Variants in HECTD4 observed in about 807,000 individuals in gnomAD.
HECTD4 encodes HECT domain E3 ubiquitin protein ligase 4.
A neutral mutation model predicts 471.5 loss-of-function variants in HECTD4; 114 were observed. The observed-to-expected ratio is 0.24, with a 90% CI of 0.21 to 0.28. The LOEUF (loss-of-function observed/expected upper bound fraction) is 0.28, where lower values mean the gene tolerates loss of function less well. Among genes scored for constraint, HECTD4 ranks in the 10% least tolerant of loss-of-function variants. HECTD4 has a pLI of 1.00. For missense variants in HECTD4, 3,866 were observed against 5,651.5 expected, an observed-to-expected ratio of 0.68 and a Z score of 10.13; for synonymous variants, 2,012 against 2,256.0, an observed-to-expected ratio of 0.89 and a Z score of 3.07.
chr12:112,341,253 C>G (rs1456207176), intron 1 of HECTD4, among the ~76,000 whole-genome samples: 1 of 152,160 alleles, frequency 6.6e-6, no homozygotes, highest in African/African-American at 2.4e-5. Flanking sequence ...GACAAACAAG[C>G]TACAGAAGGA....
rs114947184 is a variant in HECTD4, at chr12:112,163,437, G to C, written c.12897+105C>G. The C allele has an allele frequency of 1.6e-3, 1,795 of 1,107,226 alleles. 30 individuals carry two copies. The African/African-American group carries it at 0.026, about 16-fold the overall frequency. The allele number at this position is 1,107,226 out of a possible 1,614,324, so 68.6% of individuals were successfully genotyped here. A position where few individuals can be genotyped will look rare whatever the true frequency, so the allele number is the denominator to read the frequency against. ...GATACAGGTCTGTGGCAAGGACAGA[G>C]CTGAGACAGGCCACTGCCGATGCCT... On this transcript the variant is annotated intron_variant, in intron 74 of 75. Transcript: ENST00000682272. This position sits in a 1 kb window ranked among gnomAD's most constrained non-coding sequence, Gnocchi z 8.2.
chr12:112,304,581 C>G (rs2035235998), intron 7 of HECTD4, among the ~76,000 whole-genome samples: 1 of 151,986 alleles, frequency 6.6e-6, no homozygotes, highest in Non-Finnish European at 1.5e-5. Context: ...CCATCTCAGC[C>G]TTCCAAGCAC....
At chr12:112,323,044 A>G in intron 1 of HECTD4, 2 of 212,282 alleles carry the variant, frequency 9.4e-6, no homozygotes, top group South Asian at 8.0e-5. Flanking sequence ...AAAAGATGCA[A>G]GGAACTTGCC....
chr12:112,244,672 A>G (rs2033719277), intron 29 of HECTD4, among the ~76,000 whole-genome samples: 1 of 152,194 alleles, frequency 6.6e-6, no homozygotes, highest in Admixed American at 6.5e-5. Context: ...CACCTGGCCC[A>G]AATTTCTTAA....
At chr12:112,199,909 C>T (rs948524086) in intron 55 of HECTD4, among the ~76,000 whole-genome samples, 5 of 152,218 alleles carry the variant, frequency 3.3e-5, no homozygotes, top group East Asian at 1.9e-4. Context: ...TTAGCTATCA[C>T]GATTTCTTGT....
At chr12:112,272,106 T>C (rs920643774) in intron 11 of HECTD4, among the ~76,000 whole-genome samples, 28 of 152,184 alleles carry the variant, frequency 1.8e-4, no homozygotes, top group African/African-American at 6.5e-4. Flanking sequence ...TGGGGTGCAA[T>C]GGCATGATCT....
intron 1 of HECTD4, among the ~76,000 whole-genome samples, chr12:112,347,364 C>G (rs1348113386): frequency 1.3e-5 from 2 of 152,012 alleles, no homozygotes; most frequent in Non-Finnish European, 1.5e-5. Flanking sequence ...CAAAAATTAG[C>G]CGGGTGTGAT....
chr12:112,192,126 C>T (rs577397169), intron 59 of HECTD4, among the ~76,000 whole-genome samples: 3 of 152,278 alleles, frequency 2.0e-5, no homozygotes, highest in East Asian at 3.9e-4. Flanking sequence ...TGAGAGCAAT[C>T]GAGCTTCCAG....
At chr12:112,265,103 C>T (rs2034237874) in intron 16 of HECTD4, 72 bp downstream of exon 16, 1 of 1,378,664 alleles carries the variant, frequency 7.3e-7, no homozygotes, top group Non-Finnish European at 1.0e-6. Context: ...ATACACACAC[C>T]TGTCAATATA....
At chr12:112,232,945 TA>T in intron 38 of HECTD4, 58 bp downstream of exon 38, 1 of 1,405,154 alleles carries the variant, frequency 7.1e-7, no homozygotes, top group South Asian at 1.2e-5. Flanking sequence ...TCTGAAAATC[TA>T]AAGCATGACA....
At chr12:112,216,712 CT>C (rs768053022) in intron 47 of HECTD4, 60 bp downstream of exon 47, 69 of 1,577,056 alleles carry the variant, frequency 4.4e-5, no homozygotes, top group Non-Finnish European at 5.5e-5. Context: ...TCCTGAACAC[CT>C]ATACACACCT....
chr12:112,344,192 A>T (rs369210897), intron 1 of HECTD4, among the ~76,000 whole-genome samples: 18 of 152,380 alleles, frequency 1.2e-4, no homozygotes, highest in African/African-American at 4.3e-4. Flanking sequence ...CCACTCATTT[A>T]AAACTGTAAG....
intron 7 of HECTD4, among the ~76,000 whole-genome samples, chr12:112,290,863 CAA>C (rs1333873159): frequency 8.5e-6 from 1 of 117,146 alleles, no homozygotes; most frequent in Non-Finnish European, 1.7e-5. Context: ...AAAAACAAAA[CAA>C]AAAAAAAAAA....
At chr12:112,306,541 A>G (rs2035274348) in intron 6 of HECTD4, among the ~76,000 whole-genome samples, 1 of 152,250 alleles carries the variant, frequency 6.6e-6, no homozygotes, top group African/African-American at 2.4e-5. Context: ...TGTTATGCAT[A>G]TGTGTTGTAT....
chr12:112,266,643 A>G (rs183057151), intron 14 of HECTD4, among the ~76,000 whole-genome samples: 229 of 152,238 alleles, frequency 1.5e-3, no homozygotes, highest in Non-Finnish European at 2.5e-3. Flanking sequence ...CACCATGCCC[A>G]GCTAATTGTT....
rs1056974926 is a variant in HECTD4, at chr12:112,269,736, A to T, written c.2289T>A (p.Pro763=). 4.3e-6 allele frequency: 7 copies of T among 1,613,882 alleles called. No homozygotes were observed. The highest frequency in any genetic ancestry group is 5.9e-6 in the Non-Finnish European group (7 of 1,179,880). The change falls in exon 13 of 76, where the codon CCT becomes CCA. Residue 763 remains proline, a synonymous_variant. Coordinates refer to ENST00000682272, the MANE Select transcript of HECTD4 (RefSeq NM_001388303.1). ...LLMAPKDQIC[P]EIQKEVCLAI... is the part of the protein sequence containing the mutation. ...CAAGGCAGACTTCCTTCTGAATTTC[A>T]GGGCAAATTTGATCTTTTGGAGCCA...
At position 112,381,563 on chromosome 12, in the gene HECTD4, T is replaced by A. The variant is rs2036889031; in HGVS notation, c.177+389A>T. On this transcript the variant is annotated intron_variant, in intron 1 of 75. Coordinates refer to ENST00000682272, the MANE Select transcript of HECTD4 (RefSeq NM_001388303.1). This position sits in a 1 kb window ranked among gnomAD's most constrained non-coding sequence, Gnocchi z 4.1. The stretch of plus-strand genomic sequence containing the variant: ...GTGAAAATCAAAATGTTCCCAAAGC[T>A]AAGCAACCTGGGTGTGCCCTGGAAG... Among the ~76,000 whole-genome samples, 1 of 151,460 alleles carries A rather than the reference T, an allele frequency of 6.6e-6. No individual in the cohort carries two copies. The highest frequency in any genetic ancestry group is 2.1e-4 in the South Asian group (1 of 4,798).
chr12:112,204,406 G>C (rs2032516852), intron 53 of HECTD4, 80 bp downstream of exon 53: 1 of 1,333,374 alleles, frequency 7.5e-7, no homozygotes, highest in African/African-American at 1.5e-5. Context: ...AGAACCACCA[G>C]CTGCTTGTGC....
rs1379819460 is a variant in HECTD4, at chr12:112,240,029, T to C, written c.4959-2A>G. ...CCACCACATGTGAGTTCTTCAATTC[T>C]GTGAAAGAGAAACCAAAGCTCAGGC... On this transcript the variant is annotated splice_acceptor_variant, in intron 32 of 75. Transcript: ENST00000682272. LOFTEE classifies it high-confidence loss of function. 6.2e-7 allele frequency: 1 copy of C among 1,613,176 alleles called. No individual in the cohort carries two copies. The highest frequency in any genetic ancestry group is 8.5e-7 in the Non-Finnish European group (1 of 1,179,476).
Sources: gnomAD v4.1 joint callset for allele counts (sites outside exome capture counted in the v4.1 genomes callset) on GRCh38, gnomAD v4.1.1 for gene constraint, Gnocchi (gnomAD v3.1) non-coding constraint, MANE v1.5 for transcripts, NCBI Gene and HGNC (gene_info 2026-07-23, HGNC 2026-07-21) for gene names.